BPGM: variants seen among roughly 807,000 people sequenced by gnomAD.
BPGM encodes 2,3-bisphosphoglycerate mutase, erythrocyte.
In BPGM, 15 loss-of-function variants were observed where a neutral mutation model predicts 21.6. The observed-to-expected ratio is 0.70, with a 90% CI of 0.47 to 1.07. The LOEUF is 1.07. Among genes scored for constraint, BPGM ranks in the 50% least tolerant of loss-of-function variants. The probability of loss-of-function intolerance (pLI) is 0.00; values close to 1 mark genes in which losing one functional copy is unlikely to be tolerated. For missense variants in BPGM, 273 were observed against 319.0 expected (o/e 0.86, Z 1.10); for synonymous variants, 113 against 116.2 (o/e 0.97, Z 0.18).
chr7:134,648,028 C>T (rs1795489233), intron 1 of BPGM, among the ~76,000 whole-genome samples: 2 of 151,756 alleles, frequency 1.3e-5, no homozygotes, highest in Admixed American at 1.3e-4. Flanking sequence ...GAACTCCTGA[C>T]CTCAGGTGAT....
intron 2 of BPGM, 25 bp downstream of exon 2, chr7:134,662,133 T>C: frequency 6.2e-7 from 1 of 1,613,498 alleles, no homozygotes; most frequent in Non-Finnish European, 8.5e-7. Flanking sequence ...TACCACTTAT[T>C]AGAGGTTGCC....
chr7:134,672,301 C>A (rs892874272), intron 2 of BPGM, among the ~76,000 whole-genome samples: 2 of 82,056 alleles, frequency 2.4e-5, no homozygotes, highest in Admixed American at 2.5e-4. Flanking sequence ...GACTTCAACA[C>A]AGACTTAAAG....
At chr7:134,656,216 AC>A (rs1426730125) in intron 1 of BPGM, among the ~76,000 whole-genome samples, 1 of 152,184 alleles carries the variant, frequency 6.6e-6, no homozygotes, top group Non-Finnish European at 1.5e-5. Context: ...ACAGGAACTA[AC>A]ATTTAAGCTG....
chr7:134,649,910 C>G (rs1795529632), intron 1 of BPGM, among the ~76,000 whole-genome samples: 1 of 152,152 alleles, frequency 6.6e-6, no homozygotes. Context: ...TTTGACGGGC[C>G]TGAGATCTGT....
intron 2 of BPGM, among the ~76,000 whole-genome samples, chr7:134,675,928 G>A (rs1233754628): frequency 6.6e-6 from 1 of 152,044 alleles, no homozygotes; most frequent in Non-Finnish European, 1.5e-5. Context: ...TACTTCTTAG[G>A]TTAAATTTAT....
intron 2 of BPGM, among the ~76,000 whole-genome samples, chr7:134,678,237 G>C (rs938281258): frequency 6.6e-6 from 1 of 152,148 alleles, no homozygotes; most frequent in South Asian, 2.1e-4. Context: ...TTAGCAGCTG[G>C]AATGTTCAGG....
intron 2 of BPGM, among the ~76,000 whole-genome samples, chr7:134,674,694 T>C (rs928825597): frequency 6.6e-6 from 1 of 152,262 alleles, no homozygotes; most frequent in Non-Finnish European, 1.5e-5. Context: ...TGTTCACTTT[T>C]TGACTATTAT....
At chr7:134,666,905 GTCA>G (rs1262040241) in intron 2 of BPGM, among the ~76,000 whole-genome samples, 2 of 152,186 alleles carry the variant, frequency 1.3e-5, no homozygotes, top group Non-Finnish European at 2.9e-5. Context: ...GACATAGTAT[GTCA>G]TCATATTTTT....
chr7:134,669,323 C>T (rs1325768520), intron 2 of BPGM, among the ~76,000 whole-genome samples: 1 of 152,186 alleles, frequency 6.6e-6, no homozygotes, highest in Non-Finnish European at 1.5e-5. Context: ...AGTCCTTCTT[C>T]ATGAGAAGTT....
chr7:134,669,533 C>T (rs1448073537), intron 2 of BPGM, among the ~76,000 whole-genome samples: 1 of 152,072 alleles, frequency 6.6e-6, no homozygotes, highest in African/African-American at 2.4e-5. Context: ...CTGGAGTCAG[C>T]GCAGATGAAT....
intron 2 of BPGM, among the ~76,000 whole-genome samples, chr7:134,675,900 A>G (rs1029627397): frequency 1.3e-5 from 2 of 152,208 alleles, no homozygotes; most frequent in African/African-American, 4.8e-5. Context: ...GTGTTGTAGT[A>G]GTCAGAGTAT....
chr7:134,668,423 C>G (rs1166999336), intron 2 of BPGM, among the ~76,000 whole-genome samples: 1 of 152,172 alleles, frequency 6.6e-6, no homozygotes. Flanking sequence ...GGCAGGTAAA[C>G]TATAAAAAGG....
Position 134,670,061 on chromosome 7 carries a change from A to G in BPGM, c.601+7953A>G, listed in dbSNP as rs548777334. 4.6e-5 allele frequency among the ~76,000 whole-genome samples: 7 copies of G among 152,328 alleles called. No homozygotes were observed. The East Asian group carries it at 7.7e-4, about 17-fold the overall frequency. On this transcript the variant is annotated intron_variant, in intron 2 of 2. Transcript: ENST00000344924. ...TTTGTTTCCTGCTGGCGCACGTCCA[A>G]GGAAAAGCCAGGTACCAAACTGAAA...
At chr7:134,650,688 C>T (rs939706418) in intron 1 of BPGM, among the ~76,000 whole-genome samples, 1 of 152,060 alleles carries the variant, frequency 6.6e-6, no homozygotes, top group Non-Finnish European at 1.5e-5. Flanking sequence ...TTTGGGAGGC[C>T]GAGGCGGGCA....
intron 1 of BPGM, chr7:134,647,253 G>C (rs951918347): frequency 6.6e-6 from 1 of 152,382 alleles, no homozygotes; most frequent in African/African-American, 2.4e-5. Flanking sequence ...TCTTCTGGAT[G>C]TCTGAGGTAC....
intron 2 of BPGM, among the ~76,000 whole-genome samples, chr7:134,674,668 A>G (rs980207975): frequency 2.6e-5 from 4 of 152,178 alleles, no homozygotes; most frequent in Non-Finnish European, 4.4e-5. Flanking sequence ...TCATTAGTTA[A>G]TGGACATTTG....
intron 1 of BPGM, among the ~76,000 whole-genome samples, chr7:134,653,186 T>C (rs1192252385): frequency 6.6e-6 from 1 of 152,240 alleles, no homozygotes; most frequent in Non-Finnish European, 1.5e-5. Context: ...TTATGTATGG[T>C]GGCTTTCAGC....
chr7:134,650,293 A>G (rs1301934073), intron 1 of BPGM, among the ~76,000 whole-genome samples: 3 of 152,232 alleles, frequency 2.0e-5, no homozygotes, highest in Non-Finnish European at 4.4e-5. Context: ...AACATGCAAC[A>G]TGCCCTGAGC....
intron 2 of BPGM, among the ~76,000 whole-genome samples, chr7:134,663,436 C>T (rs900468281): frequency 6.6e-6 from 1 of 152,054 alleles, no homozygotes; most frequent in Non-Finnish European, 1.5e-5. Context: ...ATCTTATTTA[C>T]TCAACTATAT....
Sources: allele counts gnomAD v4.1 joint callset (sites outside exome capture counted in the v4.1 genomes callset), GRCh38; gene constraint gnomAD v4.1.1; transcripts MANE v1.5; gene names NCBI Gene and HGNC (gene_info 2026-07-23, HGNC 2026-07-21).